Variants in HUWE1 observed in about 807,000 individuals in gnomAD.
HUWE1 encodes HECT, UBA and WWE domain containing E3 ubiquitin protein ligase 1, also known as E3 ubiquitin-protein ligase HUWE1.
A neutral mutation model predicts 299.4 loss-of-function variants in HUWE1; 18 were observed. The ratio of observed to expected loss-of-function variants is 0.06; its 90% CI spans 0.04 to 0.09. The LOEUF (loss-of-function observed/expected upper bound fraction) is 0.09, where lower values mean the gene tolerates loss of function less well. HUWE1 is among the 10% of genes least tolerant of loss of function. The pLI is 1.00. For missense variants in HUWE1, 1,832 were observed against 3,462.3 expected (o/e 0.53, Z 11.82); for synonymous variants, 1,317 against 1,286.1 (o/e 1.02, Z -0.51).
At chrX:53,648,672 T>C (rs1452510433) in intron 4 of HUWE1, among the ~76,000 whole-genome samples, 4 of 77,060 alleles carry the variant, frequency 5.2e-5, no homozygotes, top group Admixed American at 1.3e-4. Flanking sequence ...AAAAAAACAA[T>C]TAAGGAATCT....
Position 53,562,895 on chromosome X carries a change from G to A in HUWE1, c.7140C>T (p.Asp2380=). Residue 2380 remains aspartate, a synonymous_variant, in exon 53 of 84, where the codon GAC becomes GAT. Transcript: ENST00000262854. ...SRSGEDESQE[D]VLMDEAPSNL... ...TGGAAGGAGCTTCATCCATCAGCAC[G>A]TCCTCTTGTGATTCATCCTCTCCAC... is the stretch of plus-strand genomic sequence containing the variant. 8.3e-7 allele frequency: 1 copy of A among 1,210,717 alleles called. No homozygotes were observed. Among genetic ancestry groups the A allele is most frequent in the Non-Finnish European group, 1.1e-6 (1 of 894,657 alleles).
rs1476685510 is a variant in HUWE1, at chrX:53,651,207, T to A, written c.45+2856A>T. Among the ~76,000 whole-genome samples, 6 of 108,114 alleles carry A rather than the reference T, an allele frequency of 5.5e-5. No homozygotes were observed. The East Asian group carries it at 1.8e-3, about 32-fold the overall frequency. 93.9% of individuals were successfully genotyped at this position (108,114 alleles called of 115,157 possible). A position where few individuals can be genotyped will look rare whatever the true frequency, so the allele number is the denominator to read the frequency against. On this transcript the variant is annotated intron_variant, in intron 4 of 83. Transcript: ENST00000262854. ...AAAAAAACTGCACGTAATTCATGCA[T>A]ACAACTGGGTGAGTTTGGATGTATG...
chrX:53,633,534 G>T (rs2067008636), intron 8 of HUWE1, among the ~76,000 whole-genome samples: 1 of 112,130 alleles, frequency 8.9e-6, no homozygotes, highest in South Asian at 3.7e-4. Flanking sequence ...GTGGTTTTCT[G>T]AGACCAGAAA....
chrX:53,575,334 A>T (rs1414284446), intron 45 of HUWE1, 113 bp from the exon 46 acceptor site: 10 of 569,081 alleles, frequency 1.8e-5, no homozygotes, highest in Non-Finnish European at 3.0e-5. Context: ...CTCTTTGGCC[A>T]ACCTTTTAAC....
intron 83 of HUWE1, chrX:53,533,757 A>C (rs1393609886): frequency 4.5e-6 from 2 of 448,802 alleles, no homozygotes; most frequent in Non-Finnish European, 7.8e-6. Context: ...TCCTTGCTCC[A>C]GTCACGCTGG....
chrX:53,589,852 G>C, intron 35 of HUWE1, 36 bp from the exon 36 acceptor site: 1 of 1,169,899 alleles, frequency 8.5e-7, no homozygotes, highest in Non-Finnish European at 1.2e-6. Flanking sequence ...TAATACACAG[G>C]AGAGGTGAAG....
rs1282756218 is a variant in HUWE1 at position 53,552,950 on chromosome X, C to T, written c.8495-57G>A. 13 of 1,171,699 alleles carry T rather than the reference C, an allele frequency of 1.1e-5. No individual in the cohort carries two copies. In the African/African-American group the frequency reaches 1.6e-4, roughly 14 times the overall value. Reference sequence around the variant, plus strand: ...TCTATCTGGAACCGGGGCAAAATGACAGATAAGGTCTTTGATAGGGCTGCT... The same window carrying T: ...TCTATCTGGAACCGGGGCAAAATGATAGATAAGGTCTTTGATAGGGCTGCT... On this transcript the variant is annotated intron_variant, in intron 61 of 83. Transcript: ENST00000262854.
rs2064825635 is a variant in HUWE1, at chrX:53,601,332, C to T, written c.2972-1023G>A. On this transcript the variant is annotated intron_variant, in intron 28 of 83. Coordinates refer to ENST00000262854, the MANE Select transcript of HUWE1 (RefSeq NM_031407.7). Reference sequence around the variant, plus strand: ...TAGTAGCTGGGACTACAGGCATGTACCACCATGGCCGGCTAATTTTTGTAT... The same window carrying T: ...TAGTAGCTGGGACTACAGGCATGTATCACCATGGCCGGCTAATTTTTGTAT... 1.8e-5 allele frequency among the ~76,000 whole-genome samples: 2 copies of T among 109,804 alleles called. 1 individual carries two copies. The highest frequency in any genetic ancestry group is 8.0e-4 in the South Asian group (2 of 2,503).
intron 3 of HUWE1, among the ~76,000 whole-genome samples, chrX:53,664,877 A>G (rs1326613248): frequency 6.3e-5 from 7 of 111,445 alleles, no homozygotes; most frequent in African/African-American, 2.3e-4. Flanking sequence ...CATAATTGTC[A>G]GGCCTTTCCA....
chrX:53,562,967 A>C, intron 52 of HUWE1, 38 bp from the exon 53 acceptor site: 2 of 1,105,822 alleles, frequency 1.8e-6, no homozygotes, highest in Non-Finnish European at 2.5e-6. Flanking sequence ...TGAACAACAG[A>C]GGACTTCCCT....
intron 3 of HUWE1, among the ~76,000 whole-genome samples, chrX:53,668,367 G>A (rs1432760198): frequency 1.9e-5 from 2 of 107,854 alleles, no homozygotes; most frequent in East Asian, 2.9e-4. Context: ...GCTTGAACTC[G>A]GGAGGTGGAG....
chrX:53,612,378 T>C (rs1603090951), intron 23 of HUWE1, among the ~76,000 whole-genome samples: 1 of 112,279 alleles, frequency 8.9e-6, no homozygotes, highest in South Asian at 3.7e-4. Context: ...TACATATAAC[T>C]ATCACTGTGG....
intron 19 of HUWE1, among the ~76,000 whole-genome samples, chrX:53,622,307 C>G (rs2066199505): frequency 9.0e-6 from 1 of 111,611 alleles, no homozygotes; most frequent in South Asian, 3.8e-4. Flanking sequence ...TGTTACAACT[C>G]CTGCTCAGCA....
chrX:53,588,003 T>C (rs946026570), intron 37 of HUWE1, among the ~76,000 whole-genome samples: 2 of 112,040 alleles, frequency 1.8e-5, no homozygotes, highest in African/African-American at 6.5e-5. Flanking sequence ...ACTATGTGGC[T>C]GCCAGTTAGG....
Position 53,539,658 on chromosome X carries a change from T to C in HUWE1, c.11631A>G (p.Leu3877=). The C allele has an allele frequency of 8.3e-7, 1 of 1,211,393 alleles. No individual in the cohort carries two copies. The highest frequency in any genetic ancestry group is 1.1e-6 in the Non-Finnish European group (1 of 895,224). The change falls in exon 75 of 84, where the codon CTA becomes CTG. Residue 3877 remains leucine, a splice_region_variant and synonymous_variant. Transcript: ENST00000262854. ...CTGGGCCTTTAGGACACAACTCACC[T>C]AGCACCGCATGCTGGTCATGGGATT... ...LEESHDQHAV[L]VLQPAVEAFF...
At chrX:53,598,316 T>C (rs1235627405) in intron 29 of HUWE1, among the ~76,000 whole-genome samples, 1 of 112,155 alleles carries the variant, frequency 8.9e-6, no homozygotes, top group African/African-American at 3.2e-5. Context: ...AAATTGGTAT[T>C]GTACAGACAC....
chrX:53,639,095 T>G (rs1208968792), intron 7 of HUWE1, among the ~76,000 whole-genome samples: 2 of 111,714 alleles, frequency 1.8e-5, no homozygotes, highest in Non-Finnish European at 3.8e-5. Context: ...TACATGAAGA[T>G]TAGGGGAAAA....
At position 53,565,136 on chromosome X, in the gene HUWE1, T is replaced by C. The variant is rs1276454982; in HGVS notation, c.6811A>G (p.Ser2271Gly). Reference sequence around the variant, plus strand: ...GCATCCTGCTCAGACTTGTTCTTGCTAGAAGCACTCTTGCTGCCAAAAAGG... The same window carrying C: ...GCATCCTGCTCAGACTTGTTCTTGCCAGAAGCACTCTTGCTGCCAAAAAGG... ...SSLFGSKSAS[S>G]KNKSEQDAQG... Residue 2271 changes from serine (S) to glycine (G), a missense_variant, in exon 50 of 84, where the codon AGC becomes GGC. Transcript: ENST00000262854. 1.7e-6 allele frequency: 2 copies of C among 1,211,516 alleles called. No individual in the cohort carries two copies. Among genetic ancestry groups the C allele is most frequent in the African/African-American group, 1.7e-5 (1 of 57,823 alleles).
chrX:53,563,086 T>A (rs782129901), intron 52 of HUWE1, among the ~76,000 whole-genome samples, 157 bp from the exon 53 acceptor site: 12 of 112,218 alleles, frequency 1.1e-4, no homozygotes, highest in Non-Finnish European at 2.1e-4. Context: ...CTAGGTGAGC[T>A]TGGCCAGTCA....
Sources: gnomAD v4.1 joint callset for allele counts (sites outside exome capture counted in the v4.1 genomes callset) on GRCh38, gnomAD v4.1.1 for gene constraint, MANE v1.5 for transcripts, NCBI Gene and HGNC (gene_info 2026-07-23, HGNC 2026-07-21) for gene names.